Variants in PDE10A observed in about 807,000 individuals in gnomAD.
PDE10A encodes cAMP and cAMP-inhibited cGMP 3',5'-cyclic phosphodiesterase 10A.
In PDE10A, 39 loss-of-function variants were observed where a neutral mutation model predicts 97.7. The ratio of observed to expected loss-of-function variants is 0.40; its 90% CI spans 0.31 to 0.52. The LOEUF is 0.52. Among genes scored for constraint, PDE10A ranks in the 20% least tolerant of loss-of-function variants. The pLI is 0.56. For missense variants in PDE10A, 731 were observed against 1,047.8 expected (o/e 0.70, Z 4.17); for synonymous variants, 371 against 376.8 (o/e 0.98, Z 0.18).
At chr6:165,527,153 G>A (rs11961281) in intron 2 of PDE10A, among the ~76,000 whole-genome samples, 32,478 of 152,128 alleles carry the variant, frequency 0.21, 5,677 homozygotes, top group African/African-American at 0.48. Flanking sequence ...CTAAGGTGAA[G>A]AATAAGTTGC....
chr6:165,423,904 G>T (rs73245647), intron 10 of PDE10A, among the ~76,000 whole-genome samples: 1 of 151,022 alleles, frequency 6.6e-6, no homozygotes, highest in African/African-American at 2.4e-5. Context: ...TAAATCTTCC[G>T]TATTATAAAA....
rs115317611 is a variant in PDE10A at position 165,636,295 on chromosome 6, T to C, written c.865+25652A>G. Among the ~76,000 whole-genome samples the C allele has an allele frequency of 1.5e-3, 221 of 151,998 alleles. 1 individual carries two copies. Among genetic ancestry groups the C allele is most frequent in the African/African-American group, 5.1e-3 (210 of 41,382 alleles). ...ACTGGCTATGTGAAAAGGAAATCCC[T>C]CCCATACACACACACACACACAAAC... On this transcript the variant is annotated intron_variant, in intron 1 of 21. Transcript: ENST00000539869.
At chr6:165,450,992 A>T (rs1239919205) in intron 3 of PDE10A, among the ~76,000 whole-genome samples, 1 of 152,242 alleles carries the variant, frequency 6.6e-6, no homozygotes, top group Non-Finnish European at 1.5e-5. Context: ...AGTAAAAATA[A>T]TATCATACAA....
rs145091675 is a variant in PDE10A, at chr6:165,413,533, C to T, written c.2044G>A (p.Val682Ile). ...CAGTGTAAGGCTAAAGCACAAAAGACGGCAAACATTTTGAAGTTGTTTTCA... is the reference window on the plus strand; with the variant it reads ...CAGTGTAAGGCTAAAGCACAAAAGATGGCAAACATTTTGAAGTTGTTTTCA... ...TDENNFKMFA[V>I]FCALALHCAN... Residue 682 changes from valine (V) to isoleucine (I), a missense_variant, in exon 13 of 22, where the codon GTC (valine) becomes ATC (isoleucine). Coordinates refer to ENST00000539869, the MANE Select transcript of PDE10A (RefSeq NM_001385079.1). The T allele has an allele frequency of 4.1e-5, 66 of 1,613,868 alleles. No individual in the cohort carries two copies. Among genetic ancestry groups the T allele is most frequent in the African/African-American group, 5.3e-5 (4 of 74,916 alleles).
chr6:165,403,546 T>G (rs1464686359), intron 13 of PDE10A, among the ~76,000 whole-genome samples: 2 of 152,222 alleles, frequency 1.3e-5, no homozygotes, highest in African/African-American at 4.8e-5. Context: ...TAATAATTGT[T>G]CTACTATTAT....
chr6:165,672,929 T>A (rs1790688659), intron 1 of PDE10A, among the ~76,000 whole-genome samples: 1 of 152,238 alleles, frequency 6.6e-6, no homozygotes, highest in South Asian at 2.1e-4. Context: ...GAACCATTTG[T>A]AATTCCAGCA....
At position 165,855,562 on chromosome 6, in the gene PDE10A, C is replaced by A. The variant is rs529752278; in HGVS notation, c.-615+131967G>T. ...GGGAGCATTTGGAGCACAGTTCCAC[C>A]CAAGGTTAACATCCACTTTCCTCAT... is the stretch of plus-strand genomic sequence containing the variant. On this transcript the variant is annotated intron_variant, in intron 1 of 19. Coordinates refer to the PDE10A transcript ENST00000366882. 3.3e-5 allele frequency among the ~76,000 whole-genome samples: 5 copies of A among 150,136 alleles called. No homozygotes were observed. In the South Asian group the frequency reaches 8.5e-4, roughly 26 times the overall value.
intron 1 of PDE10A, among the ~76,000 whole-genome samples, chr6:165,829,171 AG>A (rs1306814856): frequency 6.6e-6 from 1 of 152,168 alleles, no homozygotes; most frequent in East Asian, 1.9e-4. Context: ...GCAGGCCCTA[AG>A]GATGCTCTCC....
chr6:165,458,669 G>GCACACACACACACACTCACACA (rs1778106789), intron 3 of PDE10A, among the ~76,000 whole-genome samples: 1 of 150,430 alleles, frequency 6.6e-6, no homozygotes, highest in Non-Finnish European at 1.5e-5. Flanking sequence ...ACAGGCGCAC[G>GCACACACACACACACTCACACA]CACACACACA....
At chr6:165,615,888 C>G (rs1787705371) in intron 1 of PDE10A, among the ~76,000 whole-genome samples, 1 of 152,114 alleles carries the variant, frequency 6.6e-6, no homozygotes, top group Admixed American at 6.5e-5. Context: ...TGCAGCATTG[C>G]AGGGGAATGC....
At chr6:165,498,111 CTATATT>C (rs1780645201) in intron 2 of PDE10A, among the ~76,000 whole-genome samples, 1 of 151,850 alleles carries the variant, frequency 6.6e-6, no homozygotes, top group Non-Finnish European at 1.5e-5. Flanking sequence ...AGCTTTCTTA[CTATATT>C]TATAACAATT....
rs1781125834 is a variant in PDE10A at position 165,327,762 on chromosome 6, A to G, written c.*5263T>C. ...AACATCAACTATGATAAAGTTAGAT[A>G]CTGTTAACTTGAAATTCTTTCTCCT... On this transcript the variant is annotated 3_prime_UTR_variant, in exon 22 of 22. Coordinates refer to ENST00000539869, the MANE Select transcript of PDE10A (RefSeq NM_001385079.1). 6.6e-6 allele frequency: 1 copy of G among 152,256 alleles called. No individual in the cohort carries two copies. Among genetic ancestry groups the G allele is most frequent in the Non-Finnish European group, 1.5e-5 (1 of 68,044 alleles). 9.4% of individuals were successfully genotyped at this position (152,256 alleles called of 1,614,324 possible). A position where few individuals can be genotyped will look rare whatever the true frequency, so the allele number is the denominator to read the frequency against.
chr6:165,877,875 T>G (rs1338628887), intron 1 of PDE10A, among the ~76,000 whole-genome samples: 1 of 152,188 alleles, frequency 6.6e-6, no homozygotes, highest in Non-Finnish European at 1.5e-5. Flanking sequence ...ATTATTTACA[T>G]TTTATGAAAA....
intron 1 of PDE10A, among the ~76,000 whole-genome samples, chr6:165,935,763 T>C (rs1783304786): frequency 6.6e-6 from 1 of 152,158 alleles, no homozygotes; most frequent in Non-Finnish European, 1.5e-5. Context: ...GTGTTAGTGA[T>C]TTTGGAAGTG....
At chr6:165,353,672 G>A (rs182113763) in intron 18 of PDE10A, among the ~76,000 whole-genome samples, 1 of 152,272 alleles carries the variant, frequency 6.6e-6, no homozygotes, top group African/African-American at 2.4e-5. Flanking sequence ...ATGACATTCT[G>A]GAAAAGGCAA....
At chr6:165,594,777 C>T (rs1001792964) in intron 1 of PDE10A, among the ~76,000 whole-genome samples, 1 of 152,134 alleles carries the variant, frequency 6.6e-6, no homozygotes, top group African/African-American at 2.4e-5. Context: ...TGGCAGACTC[C>T]ATCTGAACCT....
chr6:165,921,407 T>A, intron 1 of PDE10A, among the ~76,000 whole-genome samples: 1 of 152,352 alleles, frequency 6.6e-6, no homozygotes, highest in Middle Eastern at 3.4e-3. Flanking sequence ...TCCCTGCCCT[T>A]GTGGAACTTA....
chr6:165,368,698 C>T (rs1783995917), intron 18 of PDE10A, among the ~76,000 whole-genome samples: 1 of 152,124 alleles, frequency 6.6e-6, no homozygotes, highest in Non-Finnish European at 1.5e-5. Context: ...CTTAAATGTC[C>T]CTGTCTGACA....
At chr6:165,348,045 C>T (rs574004823) in intron 18 of PDE10A, among the ~76,000 whole-genome samples, 150 of 152,160 alleles carry the variant, frequency 9.9e-4, no homozygotes, top group Admixed American at 7.9e-3. Context: ...TTGACATGCA[C>T]GTACATCTAA....
Sources: gnomAD v4.1 joint callset for allele counts (sites outside exome capture counted in the v4.1 genomes callset) on GRCh38, gnomAD v4.1.1 for gene constraint, MANE v1.5 for transcripts, NCBI Gene and HGNC (gene_info 2026-07-23, HGNC 2026-07-21) for gene names.